Variants in SLC30A6 observed in about 807,000 individuals in gnomAD.
The protein encoded by SLC30A6 is solute carrier family 30 member 6, also known as zinc transporter 6.
SLC30A6 carries 55 observed loss-of-function variants against 63.0 expected under a neutral mutation model. That is an observed-to-expected ratio of 0.87 (90% CI 0.70 to 1.09). SLC30A6 has a LOEUF of 1.09. Ranked by LOEUF, SLC30A6 falls within the 50% of genes least tolerant of loss-of-function variation. SLC30A6 has a pLI of 0.00. For synonymous variants in SLC30A6, 224 were observed against 186.1 expected, an observed-to-expected ratio of 1.20 and a Z score of -1.66; for missense variants, 587 against 549.2, an observed-to-expected ratio of 1.07 and a Z score of -0.69.
intron 4 of SLC30A6, among the ~76,000 whole-genome samples, chr2:32,179,591 A>G (rs549647271): frequency 1.3e-5 from 2 of 152,324 alleles, no homozygotes; most frequent in South Asian, 2.1e-4. Flanking sequence ...TAGGGAACCC[A>G]CTTATCTGTG....
chr2:32,204,915 A>G (rs542317277), intron 11 of SLC30A6, among the ~76,000 whole-genome samples: 4 of 151,288 alleles, frequency 2.6e-5, no homozygotes, highest in Non-Finnish European at 5.9e-5. Context: ...CCAGGCTCAA[A>G]GGACCCTCCC....
chr2:32,177,912 A>T (rs1681920970), intron 4 of SLC30A6, among the ~76,000 whole-genome samples: 1 of 149,012 alleles, frequency 6.7e-6, no homozygotes, highest in Non-Finnish European at 1.5e-5. Context: ...TATGGGCGTG[A>T]GCCACTGTGC....
intron 10 of SLC30A6, chr2:32,203,512 T>G: frequency 1.2e-6 from 2 of 1,605,932 alleles, no homozygotes. Context: ...ACATTTCTGG[T>G]GCATCAGGCT....
At chr2:32,180,820 G>T (rs1489255665) in intron 4 of SLC30A6, among the ~76,000 whole-genome samples, 1 of 152,204 alleles carries the variant, frequency 6.6e-6, no homozygotes, top group Non-Finnish European at 1.5e-5. Context: ...AATAAAAATA[G>T]TCAAATTTTA....
chr2:32,184,445 T>G, intron 5 of SLC30A6, 107 bp downstream of exon 5: 1 of 543,416 alleles, frequency 1.8e-6, no homozygotes, highest in Non-Finnish European at 2.9e-6. Flanking sequence ...AAATGCTGCG[T>G]ACTTAGTGAA....
In SLC30A6 at chr2:32,202,473, G is replaced by T. The variant is rs1268817472; in HGVS notation, c.666-2117G>T. 4 of 262,502 alleles carry T rather than the reference G, an allele frequency of 1.5e-5. No homozygotes were observed. The East Asian group carries it at 4.4e-4, about 29-fold the overall frequency. The allele number at this position is 262,502 out of a possible 1,614,324, so 16.3% of individuals were successfully genotyped here. A position where few individuals can be genotyped will look rare whatever the true frequency, so the allele number is the denominator to read the frequency against. Reference sequence around the variant, plus strand: ...GCCTCCCAAGTAGCTGGGACTACAGGCACCCGCCACCACCCCCGACTATTT... The same window carrying T: ...GCCTCCCAAGTAGCTGGGACTACAGTCACCCGCCACCACCCCCGACTATTT... On this transcript the variant is annotated intron_variant, in intron 10 of 13. Transcript: ENST00000282587.
chr2:32,167,091 T>G lies in SLC30A6; in HGVS notation c.3+1188T>G, dbSNP rs181059207. Among the ~76,000 whole-genome samples, 149 of 152,310 alleles carry G rather than the reference T, an allele frequency of 9.8e-4. 1 individual carries two copies. Among genetic ancestry groups the G allele is most frequent in the African/African-American group, 3.5e-3 (147 of 41,558 alleles). ...ACAGCCTCTTTTTTTGTTGTTGTTT[T>G]CGAGACGGAGTTCCACTCTTGTTGC... On this transcript the variant is annotated intron_variant, in intron 1 of 13. Transcript: ENST00000282587.
intron 11 of SLC30A6, among the ~76,000 whole-genome samples, chr2:32,205,588 T>C (rs1396243611): frequency 6.6e-6 from 1 of 152,058 alleles, no homozygotes; most frequent in Non-Finnish European, 1.5e-5. Flanking sequence ...GTCACAAATC[T>C]TCCTATATTT....
chr2:32,194,891 A>G (rs927193389), intron 8 of SLC30A6, among the ~76,000 whole-genome samples: 2 of 152,176 alleles, frequency 1.3e-5, no homozygotes, highest in Non-Finnish European at 2.9e-5. Context: ...TACTCTAGAA[A>G]TTTTTAAGAT....
rs1279090401 is a variant in SLC30A6 at position 32,220,241 on chromosome 2, G to A, written c.914G>A (p.Arg305Gln). Reference sequence around the variant, plus strand: ...GGATCAGTGCATGTAAGAATTCGACGAGATGCCAATGAACAAATGGTTCTT... The same window carrying A: ...GGATCAGTGCATGTAAGAATTCGACAAGATGCCAATGAACAAATGGTTCTT... ...LAGSVHVRIR[R>Q]DANEQMVLAH... The change falls in exon 14 of 14, where the codon CGA becomes CAA. Residue 305 changes from arginine (R) to glutamine (Q), a missense_variant. Arg to Gln is a conservative substitution (Grantham distance 43, BLOSUM62 1). Coordinates refer to ENST00000282587, the MANE Select transcript of SLC30A6 (RefSeq NM_017964.5). The A allele has an allele frequency of 3.1e-6, 5 of 1,613,748 alleles. No individual in the cohort carries two copies. The Middle Eastern group carries it at 4.9e-4, about 159-fold the overall frequency.
chr2:32,182,448 A>G (rs1682413113), intron 4 of SLC30A6, among the ~76,000 whole-genome samples: 1 of 152,220 alleles, frequency 6.6e-6, no homozygotes, highest in South Asian at 2.1e-4. Flanking sequence ...GGAGTTAGCC[A>G]GGGCTCTTTT....
At chr2:32,217,028 G>A (rs1010955463) in intron 13 of SLC30A6, among the ~76,000 whole-genome samples, 6 of 151,048 alleles carry the variant, frequency 4.0e-5, no homozygotes, top group African/African-American at 1.5e-4. Context: ...AGCTGAAACT[G>A]CAGGCATTTG....
intron 12 of SLC30A6, among the ~76,000 whole-genome samples, chr2:32,208,823 T>G (rs1685011474): frequency 6.6e-6 from 1 of 152,218 alleles, no homozygotes; most frequent in Non-Finnish European, 1.5e-5. Context: ...CTAGACTTTC[T>G]TTTAAGTTGT....
At chr2:32,174,662 T>G (rs994857895) in intron 3 of SLC30A6, among the ~76,000 whole-genome samples, 2 of 149,234 alleles carry the variant, frequency 1.3e-5, no homozygotes, top group Non-Finnish European at 3.0e-5. Context: ...CAAGCGATTC[T>G]CCTGCCTCAG....
intron 10 of SLC30A6, among the ~76,000 whole-genome samples, chr2:32,199,113 C>T (rs959534414): frequency 2.0e-5 from 3 of 152,194 alleles, no homozygotes; most frequent in African/African-American, 7.2e-5. Flanking sequence ...GCTTATTTCA[C>T]TTAGCATAAT....
At chr2:32,208,286 A>G (rs1177922839) in intron 12 of SLC30A6, among the ~76,000 whole-genome samples, 1 of 150,218 alleles carries the variant, frequency 6.7e-6, no homozygotes, top group Admixed American at 6.7e-5. Context: ...TCCCACCACC[A>G]TGCCTGGCTA....
intron 3 of SLC30A6, among the ~76,000 whole-genome samples, chr2:32,174,389 C>T (rs914360411): frequency 6.6e-6 from 1 of 151,806 alleles, no homozygotes; most frequent in Non-Finnish European, 1.5e-5. Flanking sequence ...AATGGGGTTT[C>T]GCCATGTTGC....
chr2:32,181,879 C>A (rs1363900248), intron 4 of SLC30A6, among the ~76,000 whole-genome samples: 1 of 151,162 alleles, frequency 6.6e-6, no homozygotes, highest in Non-Finnish European at 1.5e-5. Flanking sequence ...AAAAAAAAAC[C>A]ATAAATAATA....
intron 13 of SLC30A6, among the ~76,000 whole-genome samples, chr2:32,213,033 G>T (rs1685391281): frequency 6.6e-6 from 1 of 151,230 alleles, no homozygotes; most frequent in Non-Finnish European, 1.5e-5. Context: ...AGCCTTCCCA[G>T]TAGCTGGGAT....
Sources: allele counts gnomAD v4.1 joint callset (sites outside exome capture counted in the v4.1 genomes callset), GRCh38; gene constraint gnomAD v4.1.1; transcripts MANE v1.5; gene names NCBI Gene and HGNC (gene_info 2026-07-23, HGNC 2026-07-21).